Variants in CREB3L1 observed in about 807,000 individuals in gnomAD.
The protein encoded by CREB3L1 is cyclic AMP-responsive element-binding protein 3-like protein 1.
Under a neutral mutation model 54.5 loss-of-function variants are expected in CREB3L1, and 33 were observed. That is an observed-to-expected ratio of 0.61 (90% CI 0.46 to 0.81). The LOEUF is 0.81. Ranked by LOEUF, CREB3L1 falls within the 30% of genes least tolerant of loss-of-function variation. CREB3L1 has a pLI of 0.00. For missense variants in CREB3L1, 656 were observed against 673.3 expected (o/e 0.97, Z 0.29); for synonymous variants, 284 against 286.4 (o/e 0.99, Z 0.08).
intron 5 of CREB3L1, 136 bp from the exon 6 acceptor site, chr11:46,312,189 A>G: frequency 1.4e-6 from 1 of 725,038 alleles, no homozygotes; most frequent in Non-Finnish European, 2.2e-6. Context: ...ACCCAGATCC[A>G]CTCCCTTTCC....
Position 46,320,702 on chromosome 11 carries a change from C to A in CREB3L1, c.1524-8C>A. The A allele has an allele frequency of 6.2e-7, 1 of 1,610,174 alleles. No individual in the cohort carries two copies. Among genetic ancestry groups the A allele is most frequent in the Non-Finnish European group, 8.5e-7 (1 of 1,177,892 alleles). On this transcript the variant is annotated splice_polypyrimidine_tract_variant and splice_region_variant and intron_variant, in intron 11 of 11. Transcript: ENST00000621158. The stretch of plus-strand genomic sequence containing the variant: ...GACAGTCATCGCTGGCCTCTCTTCT[C>A]TCTCCAGGGATCTGGGCCCCAACAC...
chr11:46,305,728 GTGTGTA>G (rs1158375180), intron 2 of CREB3L1, among the ~76,000 whole-genome samples: 15 of 120,774 alleles, frequency 1.2e-4, no homozygotes, highest in East Asian at 1.0e-3. Context: ...GTGTGTGTGT[GTGTGTA>G]TATATATATA....
Position 46,295,054 on chromosome 11 carries a change from C to G in CREB3L1, c.103-4881C>G, listed in dbSNP as rs1939186510. 6.6e-6 allele frequency: 1 copy of G among 152,460 alleles called. No homozygotes were observed. Among genetic ancestry groups the G allele is most frequent in the Non-Finnish European group, 1.5e-5 (1 of 68,358 alleles). The allele number at this position is 152,460 out of a possible 1,614,324, so 9.4% of individuals were successfully genotyped here. A position where few individuals can be genotyped will look rare whatever the true frequency, so the allele number is the denominator to read the frequency against. The stretch of plus-strand genomic sequence containing the variant: ...TTCCCCAAGCACAGACTGAACCAGC[C>G]TGGGCCGGGGGAGGGGCAGAAGTTA... On this transcript the variant is annotated intron_variant, in intron 1 of 11. Transcript: ENST00000621158. This position sits in a 1 kb window ranked among gnomAD's most constrained non-coding sequence, Gnocchi z 4.6.
At chr11:46,283,893 G>A (rs887556093) in intron 1 of CREB3L1, among the ~76,000 whole-genome samples, 4 of 152,002 alleles carry the variant, frequency 2.6e-5, no homozygotes, top group Non-Finnish European at 4.4e-5. Context: ...TCAGATCTAA[G>A]TGTTCAAGAG....
At chr11:46,282,787 A>G (rs57734357) in intron 1 of CREB3L1, among the ~76,000 whole-genome samples, 50,877 of 152,204 alleles carry the variant, frequency 0.33, 8,837 homozygotes, top group African/African-American at 0.43. Context: ...AGGAGAGTCC[A>G]TATCAGTTTT....
chr11:46,278,104 C>T lies in CREB3L1; in HGVS notation c.-8C>T, dbSNP rs1938904235. The T allele has an allele frequency of 6.5e-7, 1 of 1,541,460 alleles. No individual in the cohort carries two copies. Among genetic ancestry groups the T allele is most frequent in the Non-Finnish European group, 8.8e-7 (1 of 1,140,270 alleles). On this transcript the variant is annotated 5_prime_UTR_variant, in exon 1 of 12. Coordinates refer to ENST00000621158, the MANE Select transcript of CREB3L1 (RefSeq NM_052854.4). This position sits in a 1 kb window ranked among gnomAD's most constrained non-coding sequence, Gnocchi z 4.2. ...CCCAGTGGAAGGGGGTCCCGGGAGC[C>T]GGCTGCGATGGACGCCGTCTTGGAA... is the stretch of plus-strand genomic sequence containing the variant.
chr11:46,303,386 T>G (rs1939331221), intron 2 of CREB3L1, among the ~76,000 whole-genome samples: 1 of 152,214 alleles, frequency 6.6e-6, no homozygotes, highest in Non-Finnish European at 1.5e-5. Flanking sequence ...GGCTCAGGCC[T>G]GTAATCCCAG....
chr11:46,281,537 G>A (rs139610154), intron 1 of CREB3L1, among the ~76,000 whole-genome samples: 14 of 152,370 alleles, frequency 9.2e-5, no homozygotes, highest in Admixed American at 6.5e-4. Flanking sequence ...CTGCAAGGAT[G>A]TTTGCCCAGC....
At chr11:46,298,335 CCCCCCAT>C (rs1175978722) in intron 1 of CREB3L1, among the ~76,000 whole-genome samples, 2 of 152,168 alleles carry the variant, frequency 1.3e-5, no homozygotes, top group Non-Finnish European at 2.9e-5. Context: ...CCTAAGGCAG[CCCCCCAT>C]CCCCCATCTC....
intron 1 of CREB3L1, among the ~76,000 whole-genome samples, chr11:46,297,403 A>T (rs1285192426): frequency 6.9e-6 from 1 of 145,898 alleles, no homozygotes; most frequent in Non-Finnish European, 1.5e-5. Context: ...CACCAGTATC[A>T]TGAGCCAGGT....
intron 1 of CREB3L1, among the ~76,000 whole-genome samples, chr11:46,294,686 C>G (rs1171504751): frequency 1.2e-4 from 19 of 152,064 alleles, no homozygotes; most frequent in Admixed American, 1.2e-3. Context: ...TGCTGACAAC[C>G]GGGGACTCAA....
At chr11:46,308,736 A>T (rs1324684156) in intron 3 of CREB3L1, among the ~76,000 whole-genome samples, 2 of 152,240 alleles carry the variant, frequency 1.3e-5, no homozygotes, top group East Asian at 3.9e-4. Flanking sequence ...CCTGCTGGCC[A>T]CACGGCTCAC....
intron 1 of CREB3L1, among the ~76,000 whole-genome samples, chr11:46,284,956 T>C (rs560274391): frequency 3.3e-5 from 5 of 152,286 alleles, no homozygotes; most frequent in African/African-American, 9.6e-5. Context: ...CCAGATCCCC[T>C]GAATAAGCTC....
Position 46,321,099 on chromosome 11 carries a change from AC to A in CREB3L1, c.*358del, listed in dbSNP as rs1939646873. The A allele has an allele frequency of 3.9e-6, 2 of 516,020 alleles. No homozygotes were observed. Among genetic ancestry groups the A allele is most frequent in the Admixed American group, 3.2e-5 (1 of 31,680 alleles). 32.0% of individuals were successfully genotyped at this position (516,020 alleles called of 1,614,324 possible). ...CCCACTCACAGACACCCCTTACCCC[AC>A]CCCCACTGTACAGAGACCAAGAACA... On this transcript the variant is annotated 3_prime_UTR_variant, in exon 12 of 12. Transcript: ENST00000621158.
chr11:46,299,180 G>A (rs1939255964), intron 1 of CREB3L1, among the ~76,000 whole-genome samples: 2 of 150,904 alleles, frequency 1.3e-5, no homozygotes, highest in Admixed American at 1.3e-4. Flanking sequence ...TAAAATTCTG[G>A]TCGTGACCCA....
In CREB3L1 at chr11:46,302,177, T is replaced by C. The variant is rs1172493528; in HGVS notation, c.331+2014T>C. Among the ~76,000 whole-genome samples, 4 of 111,710 alleles carry C rather than the reference T, an allele frequency of 3.6e-5. No individual in the cohort carries two copies. The East Asian group carries it at 6.2e-4, about 17-fold the overall frequency. The allele number at this position is 111,710 out of a possible 152,430, so 73.3% of individuals were successfully genotyped here. A position where few individuals can be genotyped will look rare whatever the true frequency, so the allele number is the denominator to read the frequency against. On this transcript the variant is annotated intron_variant, in intron 2 of 11. Transcript: ENST00000621158. Reference sequence around the variant, plus strand: ...AGCGAGGCTCCGTCTCAAATAATAATAATAATAATAATAATAATAATAATA... The same window carrying C: ...AGCGAGGCTCCGTCTCAAATAATAACAATAATAATAATAATAATAATAATA...
chr11:46,305,690 ATGTG>A (rs764468204), intron 2 of CREB3L1, among the ~76,000 whole-genome samples: 338 of 111,574 alleles, frequency 3.0e-3, no homozygotes, highest in South Asian at 5.7e-3. Flanking sequence ...GTGTGTATAT[ATGTG>A]TGTGTGTGTG....
At chr11:46,289,425 G>A (rs975228701) in intron 1 of CREB3L1, among the ~76,000 whole-genome samples, 1 of 152,136 alleles carries the variant, frequency 6.6e-6, no homozygotes, top group Admixed American at 6.5e-5. Context: ...CGAAAGAAGG[G>A]TAACGTTTAG....
intron 1 of CREB3L1, among the ~76,000 whole-genome samples, chr11:46,288,908 C>G (rs1358579262): frequency 6.6e-6 from 1 of 152,142 alleles, no homozygotes; most frequent in Admixed American, 6.5e-5. Context: ...AGCGTCTCAT[C>G]CATAAAGTGA....
Sources: allele counts gnomAD v4.1 joint callset (sites outside exome capture counted in the v4.1 genomes callset), GRCh38; gene constraint gnomAD v4.1.1; non-coding constraint Gnocchi (gnomAD v3.1); transcripts MANE v1.5; gene names NCBI Gene and HGNC (gene_info 2026-07-23, HGNC 2026-07-21).